The following ABTB3 variants were observed in gnomAD, a reference collection of about 807,000 sequenced individuals.
ABTB3 encodes the protein ankyrin repeat- and BTB/POZ domain-containing protein 3.
the ABTB3 span, among the ~76,000 whole-genome samples, chr12:107,558,367 G>A: frequency 0.022 from 3,369 of 152,282 alleles, 127 homozygotes; most frequent in African/African-American, 0.076. Context: ...TTGGCATCTG[G>A]CCCTGCAGGT....
the ABTB3 span, chr12:107,617,006 C>G: frequency 2.2e-6 from 3 of 1,381,850 alleles, no homozygotes; most frequent in Middle Eastern, 1.9e-4. Context: ...GTGCTGGCAT[C>G]TCACCCATCC....
the ABTB3 span, among the ~76,000 whole-genome samples, chr12:107,497,999 A>G: frequency 0.011 from 1,704 of 152,278 alleles, 30 homozygotes; most frequent in African/African-American, 0.039. Context: ...ACAGGCTCAG[A>G]ACAAAAACAG....
the ABTB3 span, chr12:107,642,089 G>T: frequency 6.2e-7 from 1 of 1,613,448 alleles, no homozygotes; most frequent in Non-Finnish European, 8.5e-7. Context: ...TCCTTGTTCA[G>T]GTTCAAAGCA....
chr12:107,648,380 C>CCACACACACA, the ABTB3 span, among the ~76,000 whole-genome samples: 4,436 of 140,156 alleles, frequency 0.032, 108 homozygotes, highest in South Asian at 0.07. Context: ...GACCCCATCT[C>CCACACACACA]CACACACACA....
chr12:107,435,772 C>A, the ABTB3 span, among the ~76,000 whole-genome samples: 1 of 152,170 alleles, frequency 6.6e-6, no homozygotes, highest in Non-Finnish European at 1.5e-5. Flanking sequence ...CTTATTACTT[C>A]CTTGGGATGT....
At chr12:107,406,891 C>T in the ABTB3 span, among the ~76,000 whole-genome samples, 12 of 152,202 alleles carry the variant, frequency 7.9e-5, no homozygotes, top group Non-Finnish European at 1.8e-4. Flanking sequence ...CCAGCCTCAG[C>T]TCACACTGTG....
At chr12:107,508,345 T>C in the ABTB3 span, among the ~76,000 whole-genome samples, 1 of 151,644 alleles carries the variant, frequency 6.6e-6, no homozygotes, top group Non-Finnish European at 1.5e-5. Flanking sequence ...CACCTTGATA[T>C]AGAGTAAGGT....
chr12:107,552,635 T>C, the ABTB3 span, among the ~76,000 whole-genome samples: 1 of 152,246 alleles, frequency 6.6e-6, no homozygotes, highest in Non-Finnish European at 1.5e-5. Flanking sequence ...GAAAGTTCAC[T>C]TCTTTCATGC....
chr12:107,392,239 T>G, the ABTB3 span, among the ~76,000 whole-genome samples: 1 of 152,188 alleles, frequency 6.6e-6, no homozygotes, highest in East Asian at 1.9e-4. Flanking sequence ...GCTAGCTTCT[T>G]TGGGCTTCCC....
chr12:107,604,703 C>A, the ABTB3 span, among the ~76,000 whole-genome samples: 1 of 152,146 alleles, frequency 6.6e-6, no homozygotes, highest in African/African-American at 2.4e-5. Flanking sequence ...GAAAACAGAA[C>A]AGAAATTCCT....
chr12:107,612,753 C>T, the ABTB3 span: 5,227 of 1,591,646 alleles, frequency 3.3e-3, 16 homozygotes, highest in Admixed American at 5.1e-3. Context: ...AAACGTTTTC[C>T]GTTCTCTGGT....
the ABTB3 span, among the ~76,000 whole-genome samples, chr12:107,604,147 C>T: frequency 1.4e-4 from 21 of 151,742 alleles, no homozygotes; most frequent in African/African-American, 4.4e-4. Flanking sequence ...CCAGCCTGGG[C>T]GACAGAGTGA....
the ABTB3 span, among the ~76,000 whole-genome samples, chr12:107,380,413 C>T: frequency 3.5e-4 from 54 of 152,310 alleles, no homozygotes; most frequent in African/African-American, 1.2e-3. Context: ...CACACCAGAA[C>T]TTGGCTGCGT....
chr12:107,358,886 G>A, the ABTB3 span, among the ~76,000 whole-genome samples: 3 of 152,252 alleles, frequency 2.0e-5, no homozygotes, highest in South Asian at 2.1e-4. Context: ...ACCACTGCTC[G>A]GCCTCCACCG....
At chr12:107,559,955 C>A in the ABTB3 span, among the ~76,000 whole-genome samples, 2,614 of 151,680 alleles carry the variant, frequency 0.017, 74 homozygotes, top group African/African-American at 0.058. Context: ...ATTCTGCTAC[C>A]CTGAGGTAGC....
At chr12:107,582,650 G>T in the ABTB3 span, among the ~76,000 whole-genome samples, 1 of 152,218 alleles carries the variant, frequency 6.6e-6, no homozygotes, top group Non-Finnish European at 1.5e-5. Context: ...GCATCATGAG[G>T]TTGGCATAAT....
At chr12:107,618,237 G>A in the ABTB3 span, 1 of 1,614,010 alleles carries the variant, frequency 6.2e-7, no homozygotes, top group Non-Finnish European at 8.5e-7. Context: ...TCTGGCCGAG[G>A]GGACTGACCT....
the ABTB3 span, among the ~76,000 whole-genome samples, chr12:107,481,742 G>A: frequency 6.6e-6 from 1 of 152,120 alleles, no homozygotes; most frequent in African/African-American, 2.4e-5. Flanking sequence ...CCAGGGACTC[G>A]GTTGATGTCA....
the ABTB3 span, among the ~76,000 whole-genome samples, chr12:107,530,031 T>C: frequency 6.6e-6 from 1 of 152,138 alleles, no homozygotes; most frequent in African/African-American, 2.4e-5. Context: ...ATGGAAGAAA[T>C]AGCATTTGGT....
Sources: allele counts gnomAD v4.1 joint callset (sites outside exome capture counted in the v4.1 genomes callset), GRCh38; gene constraint gnomAD v4.1.1; transcripts MANE v1.5; gene names NCBI Gene and HGNC (gene_info 2026-07-23, HGNC 2026-07-21).